CNNM2: variants seen among roughly 807,000 people sequenced by gnomAD.
CNNM2 encodes metal transporter CNNM2.
In CNNM2, 12 loss-of-function variants were observed where a neutral mutation model predicts 66.9. That is an observed-to-expected ratio of 0.18 (90% CI 0.11 to 0.29). The LOEUF is 0.29. CNNM2 is among the 10% of genes least tolerant of loss of function. The pLI is 1.00. For synonymous variants in CNNM2, 557 were observed against 501.8 expected (o/e 1.11, Z -1.47); for missense variants, 705 against 1,167.7 (o/e 0.60, Z 5.77).
chr10:102,930,312 G>A (rs771581843), intron 1 of CNNM2, among the ~76,000 whole-genome samples: 2 of 152,172 alleles, frequency 1.3e-5, no homozygotes, highest in Admixed American at 6.5e-5. Flanking sequence ...GGAAGGTAAC[G>A]TGGAAAAAAT....
Position 102,919,156 on chromosome 10 carries a change from C to A in CNNM2, c.676C>A (p.Pro226Thr). 6.2e-7 allele frequency: 1 copy of A among 1,609,826 alleles called. No individual in the cohort carries two copies. The highest frequency in any genetic ancestry group is 8.5e-7 in the Non-Finnish European group (1 of 1,179,558). ...GGSGVAGLPPPPWAETTWIYH... is the reference protein window; with the variant it reads ...GGSGVAGLPPTPWAETTWIYH... ...CTCGGGGGTGGCCGGGCTCCCGCCG[C>A]CCCCGTGGGCCGAGACCACCTGGAT... The change falls in exon 1 of 8, where the codon CCC (proline) becomes ACC (threonine). Residue 226 changes from proline (P) to threonine (T), a missense_variant. By Grantham distance (38) the Pro-to-Thr change is conservative (BLOSUM62 -1). Around this residue, in one of 9 missense-constraint regions of CNNM2, gnomAD observed 100 missense variants for 151.9 expected, o/e 0.66. Transcript: ENST00000369878.
intron 6 of CNNM2, among the ~76,000 whole-genome samples, chr10:103,073,868 CAAAAAAAAAAAAAA>C (rs61331007): frequency 2.8e-5 from 2 of 70,242 alleles, no homozygotes; most frequent in South Asian, 6.2e-4. Context: ...GACTCCGTCT[CAAAAAAAAAAAAAA>C]AAAAAAAAAA....
intron 1 of CNNM2, among the ~76,000 whole-genome samples, chr10:102,957,503 A>T (rs1340808184): frequency 3.9e-5 from 6 of 152,228 alleles, no homozygotes; most frequent in African/African-American, 1.4e-4. Context: ...TCTATGCACT[A>T]GGTAATTACA....
At chr10:102,988,343 A>G (rs1376803604) in intron 1 of CNNM2, among the ~76,000 whole-genome samples, 1 of 152,090 alleles carries the variant, frequency 6.6e-6, no homozygotes, top group Non-Finnish European at 1.5e-5. Flanking sequence ...TGGGACAAAG[A>G]TAGGGTCTCA....
In CNNM2 at chr10:103,089,451, C is replaced by G; in HGVS notation, c.*12271C>G. 1.5e-6 allele frequency: 1 copy of G among 649,932 alleles called. No homozygotes were observed. Among genetic ancestry groups the G allele is most frequent in the Non-Finnish European group, 2.3e-6 (1 of 434,366 alleles). 40.3% of individuals were successfully genotyped at this position (649,932 alleles called of 1,614,324 possible). ...AGCCTGATTTTACCCTTATTTTCTT[C>G]TAATACAGACTCCATTACAATTTTG... On this transcript the variant is annotated 3_prime_UTR_variant, in exon 8 of 8. Transcript: ENST00000369878.
In CNNM2 at chr10:102,919,149, C is replaced by T. The variant is rs758779805; in HGVS notation, c.669C>T (p.Leu223=). 6 of 1,609,286 alleles carry T rather than the reference C, an allele frequency of 3.7e-6. No individual in the cohort carries two copies. Among genetic ancestry groups the T allele is most frequent in the Non-Finnish European group, 5.1e-6 (6 of 1,179,270 alleles). ...GGKGGSGVAG[L]PPPPWAETTW... ...AGGGTGGCTCGGGGGTGGCCGGGCT[C>T]CCGCCGCCCCCGTGGGCCGAGACCA... Residue 223 remains leucine, a synonymous_variant, in exon 1 of 8, where the codon CTC becomes CTT. Transcript: ENST00000369878.
At chr10:102,944,147 C>T (rs1269021258) in intron 1 of CNNM2, among the ~76,000 whole-genome samples, 3 of 146,848 alleles carry the variant, frequency 2.0e-5, no homozygotes, top group East Asian at 2.0e-4. Flanking sequence ...GGTGCGATCT[C>T]GGCTCACTGC....
At chr10:103,068,392 T>A (rs2065516500) in intron 4 of CNNM2, 1 of 434,148 alleles carries the variant, frequency 2.3e-6, no homozygotes. Flanking sequence ...AGAATTATTT[T>A]AAAAATAAAC....
At chr10:102,932,290 T>G (rs1365703396) in intron 1 of CNNM2, among the ~76,000 whole-genome samples, 1 of 152,034 alleles carries the variant, frequency 6.6e-6, no homozygotes, top group Non-Finnish European at 1.5e-5. Flanking sequence ...CCTCAACCGA[T>G]CCTCCAGCCT....
At chr10:103,040,726 A>G (rs1399839478) in intron 1 of CNNM2, among the ~76,000 whole-genome samples, 1 of 152,142 alleles carries the variant, frequency 6.6e-6, no homozygotes, top group Non-Finnish European at 1.5e-5. Context: ...GTGAGGAGGC[A>G]TGGAGCTGAC....
chr10:103,006,573 A>G (rs527847459), intron 1 of CNNM2, among the ~76,000 whole-genome samples: 1 of 152,214 alleles, frequency 6.6e-6, no homozygotes, highest in East Asian at 1.9e-4. Context: ...AATTTGCTAA[A>G]AGATGGTTTT....
At chr10:102,997,636 AGT>A (rs2064028601) in intron 1 of CNNM2, among the ~76,000 whole-genome samples, 1 of 152,154 alleles carries the variant, frequency 6.6e-6, no homozygotes, top group Non-Finnish European at 1.5e-5. Flanking sequence ...ATATTTATAA[AGT>A]ATAATTTATA....
Position 103,089,363 on chromosome 10 carries a change from C to A in CNNM2, c.*12183C>A, listed in dbSNP as rs981057592. The A allele has an allele frequency of 3.6e-6, 1 of 281,172 alleles. No homozygotes were observed. The highest frequency in any genetic ancestry group is 6.7e-6 in the Non-Finnish European group (1 of 149,848). 17.4% of individuals were successfully genotyped at this position (281,172 alleles called of 1,614,324 possible). A position where few individuals can be genotyped will look rare whatever the true frequency, so the allele number is the denominator to read the frequency against. Reference sequence around the variant, plus strand: ...TTCCTTTTCCTCGTGTATCCAGATACACTGACATACGGATGATTTTAAAAG... The same window carrying A: ...TTCCTTTTCCTCGTGTATCCAGATAAACTGACATACGGATGATTTTAAAAG... On this transcript the variant is annotated 3_prime_UTR_variant, in exon 8 of 8. Coordinates refer to ENST00000369878, the MANE Select transcript of CNNM2 (RefSeq NM_017649.5).
chr10:103,075,325 G>C (rs2065670706), intron 6 of CNNM2, among the ~76,000 whole-genome samples: 1 of 152,194 alleles, frequency 6.6e-6, no homozygotes, highest in Non-Finnish European at 1.5e-5. Flanking sequence ...AAGAAGCCTT[G>C]ATGAGGGGGC....
intron 1 of CNNM2, among the ~76,000 whole-genome samples, chr10:102,958,231 C>G (rs946775665): frequency 1.3e-5 from 2 of 151,630 alleles, no homozygotes; most frequent in African/African-American, 2.4e-5. Context: ...CCACTGCGCC[C>G]GGCCTGAGCC....
In CNNM2 at chr10:102,919,862, G is replaced by T; in HGVS notation, c.1382G>T (p.Gly461Val). 6.2e-7 allele frequency: 1 copy of T among 1,614,218 alleles called. No individual in the cohort carries two copies. Among genetic ancestry groups the T allele is most frequent in the South Asian group, 1.1e-5 (1 of 91,092 alleles). Residue 461 changes from glycine to valine, a missense_variant, in exon 1 of 8, where the codon GGC (glycine) becomes GTC (valine). Physicochemically the swap from Gly to Val is moderately radical, Grantham distance 109. This residue lies in a region of CNNM2 where 171 missense variants were observed against 304.8 expected (regional missense o/e 0.56). Coordinates refer to ENST00000369878, the MANE Select transcript of CNNM2 (RefSeq NM_017649.5). ...CTCCGGGACTGCTTCATGATCACCG[G>T]CGAAGCCATCCTGGACTTCAACACC... is the stretch of plus-strand genomic sequence containing the variant. ...TPLRDCFMITGEAILDFNTMS... is the reference protein window; with the variant it reads ...TPLRDCFMITVEAILDFNTMS...
intron 4 of CNNM2, among the ~76,000 whole-genome samples, chr10:103,059,918 C>T (rs530734009): frequency 2.6e-5 from 4 of 151,690 alleles, no homozygotes; most frequent in South Asian, 4.2e-4. Context: ...AAGATAGGAT[C>T]GTTTGAGGCC....
intron 1 of CNNM2, among the ~76,000 whole-genome samples, chr10:102,961,174 G>C (rs985743999): frequency 6.6e-6 from 1 of 152,110 alleles, no homozygotes. Context: ...CACCATACCT[G>C]GTTCAACAGA....
At chr10:103,014,685 C>T (rs2064407632) in intron 1 of CNNM2, among the ~76,000 whole-genome samples, 1 of 152,066 alleles carries the variant, frequency 6.6e-6, no homozygotes, top group Admixed American at 6.6e-5. Flanking sequence ...TGTTTTTTGA[C>T]TGATGCTCAA....
Sources: allele counts gnomAD v4.1 joint callset (sites outside exome capture counted in the v4.1 genomes callset), GRCh38; gene constraint gnomAD v4.1.1; regional missense constraint gnomAD v4.1.1; transcripts MANE v1.5; gene names NCBI Gene and HGNC (gene_info 2026-07-23, HGNC 2026-07-21).